The following TOGARAM1 variants were observed in gnomAD, a reference collection of about 807,000 sequenced individuals.
TOGARAM1 encodes TOG array regulator of axonemal microtubules 1.
A neutral mutation model predicts 166.6 loss-of-function variants in TOGARAM1; 100 were observed. The observed-to-expected ratio is 0.60, with a 90% CI of 0.51 to 0.71. TOGARAM1 has a LOEUF of 0.71. Ranked by LOEUF, TOGARAM1 falls within the 30% of genes least tolerant of loss-of-function variation. The pLI is 0.00. For missense variants in TOGARAM1, 2,029 were observed against 2,102.7 expected, an observed-to-expected ratio of 0.96 and a Z score of 0.69; for synonymous variants, 758 against 763.8, an observed-to-expected ratio of 0.99 and a Z score of 0.13.
chr14:45,052,442 T>C lies in TOGARAM1; in HGVS notation c.4320T>C (p.Tyr1440=), dbSNP rs532360421. ...AQDSSQETRY[Y]GRKMLFFMMC... The stretch of plus-strand genomic sequence containing the variant: ...GTTTTTCAAATACTCACAGGTATTA[T>C]GGTCGAAAGATGCTGTTCTTCATGA... The change falls in exon 15 of 20, where the codon TAT becomes TAC. Residue 1440 remains tyrosine, a synonymous_variant. Transcript: ENST00000361462. 5.0e-6 allele frequency: 8 copies of C among 1,611,056 alleles called. No individual in the cohort carries two copies. The highest frequency in any genetic ancestry group is 2.7e-5 in the African/African-American group (2 of 74,878).
chr14:45,064,890 G>A (rs903453128), intron 16 of TOGARAM1, among the ~76,000 whole-genome samples: 3 of 152,084 alleles, frequency 2.0e-5, no homozygotes, highest in Non-Finnish European at 2.9e-5. Context: ...GGTAGGGGGT[G>A]TGAGTGCGTT....
At chr14:44,992,381 A>C (rs1887190034) in intron 1 of TOGARAM1, among the ~76,000 whole-genome samples, 1 of 152,108 alleles carries the variant, frequency 6.6e-6, no homozygotes, top group African/African-American at 2.4e-5. Flanking sequence ...AACTGGTAAA[A>C]GGTGAAAGGT....
At chr14:45,053,610 G>A (rs374885863) in intron 15 of TOGARAM1, among the ~76,000 whole-genome samples, 5 of 151,636 alleles carry the variant, frequency 3.3e-5, no homozygotes, top group South Asian at 4.2e-4. Context: ...TTTTCTGCCC[G>A]TTGAGCCTGA....
At position 45,009,159 on chromosome 14, in the gene TOGARAM1, T is replaced by C; in HGVS notation, c.3137+14T>C. 6.3e-7 allele frequency: 1 copy of C among 1,582,144 alleles called. No homozygotes were observed. Among genetic ancestry groups the C allele is most frequent in the South Asian group, 1.1e-5 (1 of 89,178 alleles). ...GAAGAGAATAATGTATTTTATTTTTTGACGTGATAAATGAATGTTCCTCTG... is the reference window on the plus strand; with the variant it reads ...GAAGAGAATAATGTATTTTATTTTTCGACGTGATAAATGAATGTTCCTCTG... On this transcript the variant is annotated intron_variant, in intron 6 of 19. Coordinates refer to ENST00000361462, the MANE Select transcript of TOGARAM1 (RefSeq NM_001308120.2).
rs200506515 is a variant in TOGARAM1, at chr14:44,969,569, G to GT, written c.2046+5108dup. On this transcript the variant is annotated intron_variant, in intron 1 of 19. Transcript: ENST00000361462. ...AGTTTTAATAAAGTCCAGTTAATCA[G>GT]TTTTTTCTTGCATGGATCATGCCTT... 8.9e-4 allele frequency among the ~76,000 whole-genome samples: 135 copies of GT among 152,224 alleles called. 2 individuals carry two copies. The East Asian group carries it at 0.022, about 25-fold the overall frequency.
At chr14:45,020,412 C>T (rs1248346518) in intron 7 of TOGARAM1, among the ~76,000 whole-genome samples, 15 of 152,168 alleles carry the variant, frequency 9.9e-5, no homozygotes, top group Admixed American at 2.0e-4. Context: ...ACCAGGGAGT[C>T]GGCAACCCGT....
At chr14:45,045,705 GTATATATATACACATATATACACA>G in intron 13 of TOGARAM1, among the ~76,000 whole-genome samples, 1 of 103,954 alleles carries the variant, frequency 9.6e-6, no homozygotes. Flanking sequence ...ATATATATGT[GTATATATATACACATATATACACA>G]TATATATACA....
intron 16 of TOGARAM1, among the ~76,000 whole-genome samples, chr14:45,063,262 T>C (rs1053106069): frequency 2.0e-5 from 3 of 152,178 alleles, no homozygotes; most frequent in Non-Finnish European, 2.9e-5. Context: ...GGTTTTGTTG[T>C]GGACATATGT....
intron 3 of TOGARAM1, 134 bp downstream of exon 3, chr14:44,999,631 A>T: frequency 1.4e-6 from 1 of 719,918 alleles, no homozygotes; most frequent in Non-Finnish European, 2.0e-6. Flanking sequence ...ATTTTTAATA[A>T]CTTTTTTCAT....
intron 14 of TOGARAM1, 27 bp from the exon 15 acceptor site, chr14:45,052,409 A>G (rs143612169): frequency 5.7e-4 from 912 of 1,598,142 alleles, no homozygotes; most frequent in Non-Finnish European, 7.2e-4. Context: ...CTAAAAAGTA[A>G]TATACCTGTT....
At chr14:45,052,354 T>C (rs1882414696) in intron 14 of TOGARAM1, 82 bp from the exon 15 acceptor site, 1 of 1,174,100 alleles carries the variant, frequency 8.5e-7, no homozygotes, top group South Asian at 1.6e-5. Context: ...GTTTTTTTTC[T>C]ATTGAAACAA....
Position 45,052,471 on chromosome 14 carries a change from G to A in TOGARAM1, c.4349G>A (p.Cys1450Tyr), listed in dbSNP as rs770587971. 2 of 1,612,490 alleles carry A rather than the reference G, an allele frequency of 1.2e-6. No homozygotes were observed. The highest frequency in any genetic ancestry group is 1.7e-6 in the Non-Finnish European group (2 of 1,179,228). ...YGRKMLFFMM[C>Y]HPNFEKMLEK... The stretch of plus-strand genomic sequence containing the variant: ...CGAAAGATGCTGTTCTTCATGATGT[G>A]TCATCCTAACTTTGAAAAAATGCTT... The change falls in exon 15 of 20, where the codon TGT (cysteine) becomes TAT (tyrosine). Residue 1450 changes from cysteine to tyrosine, a missense_variant. This residue lies in a region of TOGARAM1 where 576 missense variants were observed against 670.5 expected (regional missense o/e 0.86). Transcript: ENST00000361462.
intron 11 of TOGARAM1, among the ~76,000 whole-genome samples, chr14:45,034,580 G>C (rs549197025): frequency 7.2e-5 from 11 of 152,162 alleles, no homozygotes; most frequent in Non-Finnish European, 1.6e-4. Flanking sequence ...AATACTTCCT[G>C]TTCCCACCAG....
chr14:45,054,125 C>A (rs1222127187), intron 15 of TOGARAM1, among the ~76,000 whole-genome samples: 1 of 152,128 alleles, frequency 6.6e-6, no homozygotes, highest in Non-Finnish European at 1.5e-5. Flanking sequence ...CCTGCCTCAG[C>A]CTCCCAAAGT....
intron 1 of TOGARAM1, among the ~76,000 whole-genome samples, chr14:44,979,907 A>G (rs1408968048): frequency 6.6e-6 from 1 of 152,202 alleles, no homozygotes; most frequent in African/African-American, 2.4e-5. Flanking sequence ...GGCATAAGGC[A>G]TGATACAAGA....
In TOGARAM1 at chr14:45,046,637, A is replaced by C; in HGVS notation, c.4247A>C (p.Lys1416Thr). ...CCAGAACGTATTTTATCTGCAGCAA[A>C]GGATATGGCTGAACGCATATTACCA... ...MEPERILSAA[K>T]DMAERILPAA... is the part of the protein sequence containing the mutation. The change falls in exon 14 of 20, where the codon AAG becomes ACG. Residue 1416 changes from lysine (K) to threonine (T), a missense_variant. Coordinates refer to ENST00000361462, the MANE Select transcript of TOGARAM1 (RefSeq NM_001308120.2). 7.1e-7 allele frequency: 1 copy of C among 1,400,230 alleles called. No individual in the cohort carries two copies. The highest frequency in any genetic ancestry group is 9.4e-7 in the Non-Finnish European group (1 of 1,069,450). The allele number at this position is 1,400,230 out of a possible 1,614,324, so 86.7% of individuals were successfully genotyped here.
At chr14:45,003,036 T>C (rs1424639443) in intron 3 of TOGARAM1, among the ~76,000 whole-genome samples, 3 of 152,164 alleles carry the variant, frequency 2.0e-5, no homozygotes, top group East Asian at 3.9e-4. Flanking sequence ...GACATTGTCA[T>C]GAAAGCATCA....
intron 7 of TOGARAM1, among the ~76,000 whole-genome samples, chr14:45,013,758 C>A (rs1879951027): frequency 6.6e-6 from 1 of 152,086 alleles, no homozygotes; most frequent in African/African-American, 2.4e-5. Context: ...TATCCTTAAT[C>A]CTTTTTCAGG....
Position 44,962,535 on chromosome 14 carries a change from TG to T in TOGARAM1, c.119del (p.Gly40AlafsTer3), listed in dbSNP as rs746938313. On this transcript the variant is annotated frameshift_variant, in exon 1 of 20. Coordinates refer to ENST00000361462, the MANE Select transcript of TOGARAM1 (RefSeq NM_001308120.2). LOFTEE classifies it high-confidence loss of function. The stretch of plus-strand genomic sequence containing the variant: ...CCCCAGAGACCGATGATAGTCGAGT[TG>T]GGGGCATTATGAGAGGAGAGAAAAA... ...SAPETDDSRV[G>X]GIMRGEKNYY... 8 of 1,613,684 alleles carry T rather than the reference TG, an allele frequency of 5.0e-6. No individual in the cohort carries two copies. The South Asian group carries it at 8.8e-5, about 18-fold the overall frequency.
Sources: gnomAD v4.1 joint callset for allele counts (sites outside exome capture counted in the v4.1 genomes callset) on GRCh38, gnomAD v4.1.1 for gene constraint, gnomAD v4.1.1 regional missense constraint, MANE v1.5 for transcripts, NCBI Gene and HGNC (gene_info 2026-07-23, HGNC 2026-07-21) for gene names.